The following RNLS variants were observed in gnomAD, a reference collection of about 807,000 sequenced individuals.
RNLS encodes the protein renalase, FAD dependent amine oxidase, also known as renalase.
A neutral mutation model predicts 39.8 loss-of-function variants in RNLS; 39 were observed. The ratio of observed to expected loss-of-function variants is 0.98; its 90% CI spans 0.76 to 1.28. RNLS has a LOEUF of 1.28. Ranked by LOEUF, RNLS falls within the 50% of genes most tolerant of loss-of-function variation. RNLS has a pLI of 0.00. For missense variants in RNLS, 410 were observed against 413.3 expected (o/e 0.99, Z 0.07); for synonymous variants, 147 against 150.7 (o/e 0.98, Z 0.18).
the RNLS span, among the ~76,000 whole-genome samples, chr10:88,239,167 G>T: frequency 6.6e-6 from 1 of 152,122 alleles, no homozygotes; most frequent in Admixed American, 6.5e-5. Context: ...GATCTGCTCT[G>T]TATGAATCTG....
chr10:88,530,165 G>A (rs1564876243), intron 4 of RNLS, among the ~76,000 whole-genome samples: 1 of 152,110 alleles, frequency 6.6e-6, no homozygotes, highest in Non-Finnish European at 1.5e-5. Context: ...TCTCCAAATT[G>A]ATATCCTCAT....
chr10:88,556,114 C>T (rs1041274018), intron 4 of RNLS, among the ~76,000 whole-genome samples: 27 of 152,170 alleles, frequency 1.8e-4, no homozygotes, highest in Non-Finnish European at 3.1e-4. Flanking sequence ...CACAAACCTA[C>T]TTCTCCCTCA....
At chr10:88,211,599 C>T in the RNLS span, among the ~76,000 whole-genome samples, 116 of 152,040 alleles carry the variant, frequency 7.6e-4, no homozygotes, top group Admixed American at 2.2e-3. Flanking sequence ...GGGGAAAAGA[C>T]GGGATAACAT....
chr10:88,548,261 C>CAAAAAAAAAAAAAAAAAAAAAA (rs869175046), intron 4 of RNLS, among the ~76,000 whole-genome samples: 1 of 32,404 alleles, frequency 3.1e-5, no homozygotes, highest in Non-Finnish European at 4.6e-5. Flanking sequence ...GACTCCGTCT[C>CAAAAAAAAAAAAAAAAAAAAAA]AAAAAAAAAA....
rs1564700187 is a variant in RNLS, at chr10:88,330,089, ATAAATAT to A, written c.701-15455_701-15449del. Reference sequence around the variant, plus strand: ...TTTTGAGATATATATATATATATATATAAATATAAATATATATACACACACTATATAT... The same window carrying A: ...TTTTGAGATATATATATATATATATAAAATATATATACACACACTATATAT... On this transcript the variant is annotated intron_variant, in intron 5 of 6. Transcript: ENST00000331772. 2.5e-4 allele frequency among the ~76,000 whole-genome samples: 35 copies of A among 141,908 alleles called. 2 individuals are homozygous for A. The highest frequency in any genetic ancestry group is 7.8e-4 in the African/African-American group (31 of 39,690). 93.1% of individuals were successfully genotyped at this position (141,908 alleles called of 152,430 possible). A position where few individuals can be genotyped will look rare whatever the true frequency, so the allele number is the denominator to read the frequency against.
Position 88,284,453 on chromosome 10 carries a change from G to A in RNLS, c.*901C>T, listed in dbSNP as rs1011489164. On this transcript the variant is annotated 3_prime_UTR_variant, in exon 7 of 7. Transcript: ENST00000331772. ...TGGGGTCAGGTCACTGAAGCATGTG[G>A]GTGATATGCTGAACCACCAACTTGG... 1 of 985,102 alleles carries A rather than the reference G, an allele frequency of 1.0e-6. No homozygotes were observed. The highest frequency in any genetic ancestry group is 6.2e-5 in the Admixed American group (1 of 16,238). 61.0% of individuals were successfully genotyped at this position (985,102 alleles called of 1,614,324 possible). A position where few individuals can be genotyped will look rare whatever the true frequency, so the allele number is the denominator to read the frequency against.
chr10:88,368,511 G>C (rs970837820), intron 4 of RNLS, among the ~76,000 whole-genome samples: 3 of 146,090 alleles, frequency 2.1e-5, no homozygotes, highest in African/African-American at 7.6e-5. Context: ...TCATTATTCT[G>C]ATAAGTAACA....
At chr10:88,243,513 C>T in the RNLS span, among the ~76,000 whole-genome samples, 1 of 152,190 alleles carries the variant, frequency 6.6e-6, no homozygotes, top group African/African-American at 2.4e-5. Context: ...AAAGGCAAAG[C>T]CTTAGTCCTA....
At chr10:88,419,435 C>T (rs4934403) in intron 4 of RNLS, among the ~76,000 whole-genome samples, 87,529 of 152,052 alleles carry the variant, frequency 0.58, 25,212 homozygotes, top group African/African-American at 0.6. Flanking sequence ...CCATCAGGAA[C>T]TCTGACTTCA....
At chr10:88,424,288 G>C (rs1050756976) in intron 4 of RNLS, among the ~76,000 whole-genome samples, 1 of 152,170 alleles carries the variant, frequency 6.6e-6, no homozygotes, top group Non-Finnish European at 1.5e-5. Flanking sequence ...GCGGCTGAAT[G>C]TGCAAAATAT....
intron 5 of RNLS, among the ~76,000 whole-genome samples, chr10:88,361,636 C>G (rs1849650473): frequency 6.6e-6 from 1 of 152,128 alleles, no homozygotes; most frequent in South Asian, 2.1e-4. Context: ...TTTCTAAGAT[C>G]ATGAGCTCTG....
chr10:88,236,629 G>A, the RNLS span, among the ~76,000 whole-genome samples: 1 of 152,184 alleles, frequency 6.6e-6, no homozygotes, highest in Non-Finnish European at 1.5e-5. Context: ...TCACACTTCA[G>A]TTTCTTCATA....
chr10:88,185,033 C>T, the RNLS span, among the ~76,000 whole-genome samples: 1 of 152,086 alleles, frequency 6.6e-6, no homozygotes, highest in African/African-American at 2.4e-5. Context: ...TATCCTGTTG[C>T]CCTGCCTTTC....
chr10:88,575,157 T>TACAC (rs1281356005), intron 3 of RNLS, among the ~76,000 whole-genome samples: 2 of 36,656 alleles, frequency 5.5e-5, no homozygotes, highest in African/African-American at 2.1e-4. Context: ...TATATATATA[T>TACAC]ATACACACAC....
At chr10:88,353,382 A>T (rs1048472768) in intron 5 of RNLS, among the ~76,000 whole-genome samples, 2 of 151,724 alleles carry the variant, frequency 1.3e-5, no homozygotes, top group African/African-American at 4.8e-5. Context: ...ACTGCTGTAA[A>T]TGTGTCCCAG....
intron 4 of RNLS, among the ~76,000 whole-genome samples, chr10:88,460,174 T>C (rs186142379): frequency 2.0e-5 from 3 of 152,280 alleles, no homozygotes; most frequent in East Asian, 1.9e-4. Context: ...GCTGTGGCCA[T>C]GCAAGATGCT....
chr10:88,438,776 C>T (rs1004984367), intron 4 of RNLS, among the ~76,000 whole-genome samples: 1 of 152,200 alleles, frequency 6.6e-6, no homozygotes, highest in African/African-American at 2.4e-5. Context: ...GGTTGCTCCT[C>T]TTGGCTCACT....
chr10:88,251,632 G>C, the RNLS span, among the ~76,000 whole-genome samples: 1 of 152,208 alleles, frequency 6.6e-6, no homozygotes, highest in East Asian at 1.9e-4. Flanking sequence ...ATGGACAAAA[G>C]TCTGCAATTC....
chr10:88,213,765 T>C, the RNLS span, among the ~76,000 whole-genome samples: 1 of 152,322 alleles, frequency 6.6e-6, no homozygotes, highest in East Asian at 1.9e-4. Flanking sequence ...ATTTCTAGGA[T>C]CAACAGGCTG....
Sources: gnomAD v4.1 joint callset for allele counts (sites outside exome capture counted in the v4.1 genomes callset) on GRCh38, gnomAD v4.1.1 for gene constraint, MANE v1.5 for transcripts, NCBI Gene and HGNC (gene_info 2026-07-23, HGNC 2026-07-21) for gene names.